BLTP3B: variants seen among roughly 807,000 people sequenced by gnomAD.
BLTP3B encodes the protein bridge-like lipid transfer protein family member 3B.
At chr12:100,117,362 TTAAC>T in the BLTP3B span, among the ~76,000 whole-genome samples, 1 of 152,220 alleles carries the variant, frequency 6.6e-6, no homozygotes, top group Admixed American at 6.5e-5. Flanking sequence ...AAAAGAGCTC[TTAAC>T]TAACCTCTGT....
the BLTP3B span, among the ~76,000 whole-genome samples, chr12:100,061,963 C>A: frequency 6.6e-6 from 1 of 152,202 alleles, no homozygotes; most frequent in African/African-American, 2.4e-5. Flanking sequence ...TTTAAACAGA[C>A]AATTACGGTA....
the BLTP3B span, among the ~76,000 whole-genome samples, chr12:100,116,707 C>G: frequency 6.6e-6 from 1 of 152,260 alleles, no homozygotes; most frequent in Admixed American, 6.5e-5. Context: ...TTGCTCTCAT[C>G]ACTTTTTTCC....
At chr12:100,130,982 G>GGAGAGAGAGAGAGAGAGA in the BLTP3B span, among the ~76,000 whole-genome samples, 9 of 62,214 alleles carry the variant, frequency 1.4e-4, 2 homozygotes, top group Admixed American at 3.8e-4. Flanking sequence ...AGAGAGGGAG[G>GGAGAGAGAGAGAGAGAGA]GAGAGAGAGA....
chr12:100,142,784 C>T, the BLTP3B span: 7 of 1,203,064 alleles, frequency 5.8e-6, no homozygotes, highest in Non-Finnish European at 7.8e-6. Flanking sequence ...CGGCCAAGGC[C>T]ACAGCCGCCG....
the BLTP3B span, among the ~76,000 whole-genome samples, chr12:100,040,687 AAAAC>A: frequency 6.6e-6 from 1 of 152,178 alleles, no homozygotes; most frequent in Non-Finnish European, 1.5e-5. Flanking sequence ...CTCCGTCTCA[AAAAC>A]AACAACAACA....
chr12:100,139,003 C>CA, the BLTP3B span, among the ~76,000 whole-genome samples: 1 of 152,168 alleles, frequency 6.6e-6, no homozygotes, highest in Non-Finnish European at 1.5e-5. Context: ...AAAACCCTCC[C>CA]AAAATACATT....
the BLTP3B span, among the ~76,000 whole-genome samples, chr12:100,133,217 G>A: frequency 6.6e-6 from 1 of 152,068 alleles, no homozygotes; most frequent in African/African-American, 2.4e-5. Flanking sequence ...ACTCCAGCCT[G>A]GGTAACAGAG....
At chr12:100,090,508 GTTA>G in the BLTP3B span, among the ~76,000 whole-genome samples, 1 of 151,984 alleles carries the variant, frequency 6.6e-6, no homozygotes, top group Non-Finnish European at 1.5e-5. Context: ...TTTAGAACAA[GTTA>G]TTAACTAAAG....
chr12:100,099,081 C>T, the BLTP3B span, among the ~76,000 whole-genome samples: 446 of 151,748 alleles, frequency 2.9e-3, 3 homozygotes, highest in African/African-American at 0.01. Flanking sequence ...CAACCTCTAC[C>T]TCCCGGGTTC....
the BLTP3B span, among the ~76,000 whole-genome samples, chr12:100,104,884 C>CAAAAAAAAAA: frequency 1.5e-5 from 1 of 66,022 alleles, no homozygotes; most frequent in African/African-American, 5.2e-5. Flanking sequence ...ACTGCTACTA[C>CAAAAAAAAAA]AAAAAAAAAA....
chr12:100,136,784 C>A, the BLTP3B span, among the ~76,000 whole-genome samples: 1 of 150,302 alleles, frequency 6.7e-6, no homozygotes, highest in Non-Finnish European at 1.5e-5. Context: ...ATGGCCATAT[C>A]AGATAGCTTT....
At chr12:100,104,010 G>C in the BLTP3B span, 1 of 1,324,014 alleles carries the variant, frequency 7.6e-7, no homozygotes, top group Non-Finnish European at 1.1e-6. Context: ...AATGTAAACA[G>C]TAATCAATAC....
At chr12:100,087,685 C>A in the BLTP3B span, among the ~76,000 whole-genome samples, 3 of 152,100 alleles carry the variant, frequency 2.0e-5, no homozygotes, top group Non-Finnish European at 4.4e-5. Flanking sequence ...TATTTCAGAG[C>A]CTTTTGGATT....
chr12:100,135,412 G>A, the BLTP3B span, among the ~76,000 whole-genome samples: 1 of 151,696 alleles, frequency 6.6e-6, no homozygotes, highest in Admixed American at 6.6e-5. Context: ...GAGACTACAG[G>A]TGCGCACCAC....
the BLTP3B span, chr12:100,057,863 C>T: frequency 2.4e-5 from 31 of 1,280,040 alleles, no homozygotes; most frequent in Admixed American, 8.8e-5. Context: ...TATATTTAAA[C>T]GTATAAGCTC....
the BLTP3B span, among the ~76,000 whole-genome samples, chr12:100,126,522 G>C: frequency 6.6e-6 from 1 of 151,598 alleles, no homozygotes; most frequent in Non-Finnish European, 1.5e-5. Context: ...GACTCAACTA[G>C]AGGAGCTCTA....
the BLTP3B span, among the ~76,000 whole-genome samples, chr12:100,073,356 GAC>G: frequency 1.4e-5 from 2 of 145,284 alleles, no homozygotes; most frequent in African/African-American, 5.5e-5. Context: ...TATAGATACA[GAC>G]ACAGATTTTT....
chr12:100,123,621 C>T, the BLTP3B span, among the ~76,000 whole-genome samples: 4 of 152,218 alleles, frequency 2.6e-5, no homozygotes, highest in Non-Finnish European at 5.9e-5. Flanking sequence ...CATTGCAAGT[C>T]TGGGCCTCCA....
chr12:100,045,006 C>A, the BLTP3B span, among the ~76,000 whole-genome samples: 2 of 152,106 alleles, frequency 1.3e-5, no homozygotes, highest in African/African-American at 2.4e-5. Context: ...ACAATTACTA[C>A]AAAGAGAATA....
Sources: allele counts gnomAD v4.1 joint callset (sites outside exome capture counted in the v4.1 genomes callset), GRCh38; gene constraint gnomAD v4.1.1; transcripts MANE v1.5; gene names NCBI Gene and HGNC (gene_info 2026-07-23, HGNC 2026-07-21).